TNS1: variants seen among roughly 807,000 people sequenced by gnomAD.
TNS1 encodes the protein tensin-1.
Under a neutral mutation model 168.6 loss-of-function variants are expected in TNS1, and 62 were observed. The observed-to-expected ratio is 0.37, with a 90% CI of 0.30 to 0.45. TNS1 has a LOEUF of 0.45. TNS1 is among the 20% of genes least tolerant of loss of function. The pLI is 1.00. For missense variants in TNS1, 2,240 were observed against 2,339.4 expected (o/e 0.96, Z 0.88); for synonymous variants, 934 against 933.2 (o/e 1.00, Z -0.02).
rs563722631 is a variant in TNS1 at position 217,945,001 on chromosome 2, G to A, written c.187-24765C>T. ...ACTAAAGACTATTAACTCTCACTTA[G>A]TCTTCTAATCACCCGGTTATTATAG... On this transcript the variant is annotated intron_variant, in intron 3 of 32. Transcript: ENST00000682258. Among the ~76,000 whole-genome samples the A allele has an allele frequency of 4.6e-5, 7 of 152,328 alleles. No homozygotes were observed. In the East Asian group the frequency reaches 1.2e-3, roughly 25 times the overall value.
chr2:217,821,551 C>G (rs1942846141), intron 23 of TNS1, among the ~76,000 whole-genome samples, 189 bp downstream of exon 23: 1 of 152,188 alleles, frequency 6.6e-6, no homozygotes, highest in Non-Finnish European at 1.5e-5. Context: ...ACTGGGCTCC[C>G]CACAGGATTC....
chr2:217,979,054 C>G, intron 2 of TNS1: 1 of 404,892 alleles, frequency 2.5e-6, no homozygotes, highest in Admixed American at 4.2e-5. Context: ...AGAGCCCCTC[C>G]GGGTGCGGGA....
upstream of TNS1, among the ~76,000 whole-genome samples, chr2:218,003,227 T>G (rs1256315331): frequency 5.2e-5 from 5 of 96,580 alleles, no homozygotes; most frequent in Admixed American, 1.3e-4. Context: ...ACACAACCCC[T>G]GTGTGCCACC....
At chr2:217,968,452 A>C (rs1203701210) in intron 3 of TNS1, among the ~76,000 whole-genome samples, 1 of 152,228 alleles carries the variant, frequency 6.6e-6, no homozygotes, top group Non-Finnish European at 1.5e-5. Flanking sequence ...ATAAATCATC[A>C]CTACACAAAA....
intron 3 of TNS1, among the ~76,000 whole-genome samples, chr2:217,924,451 C>G (rs1227438457): frequency 6.6e-6 from 1 of 152,162 alleles, no homozygotes. Context: ...CTCTAGAAAA[C>G]AAGTGTCATG....
At chr2:217,828,606 G>C (rs1233620721) in intron 22 of TNS1, among the ~76,000 whole-genome samples, 5 of 152,190 alleles carry the variant, frequency 3.3e-5, no homozygotes, top group African/African-American at 1.2e-4. Context: ...GCTGGTTTGA[G>C]TCCTCACTCG....
At chr2:217,870,021 C>T (rs1277292611) in intron 18 of TNS1, among the ~76,000 whole-genome samples, 1 of 152,212 alleles carries the variant, frequency 6.6e-6, no homozygotes, top group East Asian at 1.9e-4. Flanking sequence ...GGAAGCCAGT[C>T]AGATTTGATT....
intron 11 of TNS1, among the ~76,000 whole-genome samples, chr2:217,891,255 G>A (rs751691824): frequency 3.3e-5 from 5 of 152,138 alleles, no homozygotes; most frequent in Non-Finnish European, 5.9e-5. Flanking sequence ...GTGCAGGGCC[G>A]CACTCAGCCC....
intron 30 of TNS1, among the ~76,000 whole-genome samples, chr2:217,809,056 T>C (rs1291098867): frequency 6.6e-6 from 1 of 152,138 alleles, no homozygotes; most frequent in African/African-American, 2.4e-5. Context: ...TACCCAATGC[T>C]GGCAAATTCT....
At chr2:217,959,998 CAGGAGG>C (rs897903457) in intron 3 of TNS1, among the ~76,000 whole-genome samples, 58 of 151,848 alleles carry the variant, frequency 3.8e-4, no homozygotes, top group Non-Finnish European at 7.7e-4. Context: ...AGGAAGCCGG[CAGGAGG>C]AGGAGGAGGA....
intron 3 of TNS1, among the ~76,000 whole-genome samples, chr2:217,946,568 T>C (rs1957109807): frequency 6.6e-6 from 1 of 152,158 alleles, no homozygotes; most frequent in Admixed American, 6.5e-5. Context: ...TTTTTGAAGC[T>C]ATATAATCGC....
intron 3 of TNS1, among the ~76,000 whole-genome samples, chr2:217,972,626 C>T (rs375522505): frequency 1.3e-5 from 2 of 152,332 alleles, no homozygotes; most frequent in African/African-American, 4.8e-5. Flanking sequence ...GGAAGGAAGC[C>T]AGTGGATAAG....
chr2:217,982,358 C>T (rs1209908861), intron 2 of TNS1, among the ~76,000 whole-genome samples: 2 of 152,076 alleles, frequency 1.3e-5, no homozygotes, highest in African/African-American at 4.8e-5. Context: ...CCATGGAAAC[C>T]ATGTGGAATA....
intron 18 of TNS1, chr2:217,859,551 G>A: frequency 8.1e-7 from 1 of 1,241,960 alleles, no homozygotes. Context: ...GAAGTTCTCA[G>A]TGCAAAGCTT....
intron 9 of TNS1, among the ~76,000 whole-genome samples, chr2:217,894,615 C>T (rs1354209419): frequency 6.6e-6 from 1 of 152,100 alleles, no homozygotes; most frequent in African/African-American, 2.4e-5. Flanking sequence ...TGAGATCACG[C>T]CACTGCACTC....
At chr2:218,018,970 G>A (rs1252373309) in intron 1 of TNS1, among the ~76,000 whole-genome samples, 8 of 151,990 alleles carry the variant, frequency 5.3e-5, no homozygotes, top group Non-Finnish European at 8.8e-5. Flanking sequence ...CCAACTACTC[G>A]GGAAGCTGAG....
At position 217,849,062 on chromosome 2, in the gene TNS1, T is replaced by A. The variant is rs762732731; in HGVS notation, c.1455A>T (p.Pro485=). The A allele has an allele frequency of 1.9e-6, 3 of 1,612,634 alleles. No homozygotes were observed. The South Asian group carries it at 3.3e-5, about 18-fold the overall frequency. ...CCTTAGCATACAGGCTCCCATCTAGTGGCCCCTGCGTGTGTCCCACCACCT... is the reference window on the plus strand; with the variant it reads ...CCTTAGCATACAGGCTCCCATCTAGAGGCCCCTGCGTGTGTCCCACCACCT... ...MEEVVGHTQG[P]LDGSLYAKVK... is the part of the protein sequence containing the mutation. Residue 485 remains proline, a synonymous_variant, in exon 19 of 33, where the codon CCA becomes CCT. Coordinates refer to ENST00000682258, the MANE Select transcript of TNS1 (RefSeq NM_001387777.1).
rs769767402 is a variant in TNS1, at chr2:217,813,772, G to A, written c.4774C>T (p.Arg1592Cys). 11 of 1,613,874 alleles carry A rather than the reference G, an allele frequency of 6.8e-6. No homozygotes were observed. The highest frequency in any genetic ancestry group is 9.3e-6 in the Non-Finnish European group (11 of 1,179,852). ...KDQEPGAFII[R>C]DSHSFRGAYG... ...GCGCCTCGGAAGGAGTGACTGTCGC[G>A]GATGATGAAGGCCCCCGGCTCCTGG... Residue 1592 changes from arginine (R) to cysteine (C), a missense_variant, in exon 26 of 33, where the codon CGC becomes TGC. Transcript: ENST00000682258. This position sits in a 1 kb window ranked among gnomAD's most constrained non-coding sequence, Gnocchi z 4.0.
At chr2:218,005,963 C>T (rs538864857), upstream of TNS1, among the ~76,000 whole-genome samples, 257 of 152,330 alleles carry the variant, frequency 1.7e-3, no homozygotes, top group Non-Finnish European at 2.8e-3. Flanking sequence ...GGGATCCCCA[C>T]CCTGTGCCCA....
Sources: allele counts gnomAD v4.1 joint callset (sites outside exome capture counted in the v4.1 genomes callset), GRCh38; gene constraint gnomAD v4.1.1; non-coding constraint Gnocchi (gnomAD v3.1); transcripts MANE v1.5; gene names NCBI Gene and HGNC (gene_info 2026-07-23, HGNC 2026-07-21).